Variants in CLNK observed in about 807,000 individuals in gnomAD.
The protein encoded by CLNK is cytokine-dependent hematopoietic cell linker.
In CLNK, 74 loss-of-function variants were observed where a neutral mutation model predicts 68.6. The ratio of observed to expected loss-of-function variants is 1.08; its 90% CI spans 0.89 to 1.31. CLNK has a LOEUF of 1.31. Ranked by LOEUF, CLNK falls within the 50% of genes most tolerant of loss-of-function variation. The pLI is 0.00. For missense variants in CLNK, 553 were observed against 515.3 expected, an observed-to-expected ratio of 1.07 and a Z score of -0.71; for synonymous variants, 198 against 172.2, an observed-to-expected ratio of 1.15 and a Z score of -1.17.
intron 17 of CLNK, among the ~76,000 whole-genome samples, chr4:10,502,204 A>C (rs1232689004): frequency 2.0e-5 from 3 of 152,218 alleles, no homozygotes; most frequent in African/African-American, 7.2e-5. Flanking sequence ...AAGAGGTTTA[A>C]TTGACTCAGT....
rs574160847 is a variant in CLNK at position 10,501,040 on chromosome 4, C to T, written c.1140+216G>A. Among the ~76,000 whole-genome samples, 9 of 152,268 alleles carry T rather than the reference C, an allele frequency of 5.9e-5. No individual in the cohort carries two copies. The East Asian group carries it at 7.7e-4, about 13-fold the overall frequency. On this transcript the variant is annotated intron_variant, in intron 18 of 18. Transcript: ENST00000226951. ...AGAATGAGTTTTCTTTAACAGGCAA[C>T]GCAGGGAATGGGGGTGCATGAAATG...
intron 15 of CLNK, among the ~76,000 whole-genome samples, chr4:10,519,113 C>T (rs1487893086): frequency 6.6e-6 from 1 of 152,112 alleles, no homozygotes; most frequent in African/African-American, 2.4e-5. Context: ...CTAATGAAGC[C>T]TCAAACATTT....
intron 18 of CLNK, 72 bp downstream of exon 18, chr4:10,501,184 T>G: frequency 1.1e-5 from 16 of 1,443,590 alleles, no homozygotes; most frequent in African/African-American, 1.4e-5. Context: ...TCCTCCAGGG[T>G]GACATCCCCC....
chr4:10,583,680 G>C (rs1192450205), intron 4 of CLNK, among the ~76,000 whole-genome samples: 2 of 152,052 alleles, frequency 1.3e-5, no homozygotes, highest in Non-Finnish European at 2.9e-5. Flanking sequence ...GAGCAGGCCT[G>C]GGCGACTTTA....
intron 8 of CLNK, 145 bp from the exon 9 acceptor site, chr4:10,542,425 C>T (rs923067483): frequency 1.6e-6 from 1 of 622,332 alleles, no homozygotes; most frequent in African/African-American, 1.9e-5. Context: ...TATGAGATAC[C>T]CAGAATAATG....
At chr4:10,719,106 A>G in the CLNK span, among the ~76,000 whole-genome samples, 1 of 152,150 alleles carries the variant, frequency 6.6e-6, no homozygotes, top group Non-Finnish European at 1.5e-5. Context: ...TTTAAATAAC[A>G]CACAGGAAGG....
At chr4:10,532,404 C>A in intron 11 of CLNK, 121 bp from the exon 12 acceptor site, 2 of 746,428 alleles carry the variant, frequency 2.7e-6, no homozygotes, top group East Asian at 2.7e-5. Context: ...GCCCATAGTC[C>A]AGTGAGATAT....
chr4:10,668,747 A>G (rs1724509847), intron 1 of CLNK, among the ~76,000 whole-genome samples: 1 of 152,136 alleles, frequency 6.6e-6, no homozygotes, highest in Non-Finnish European at 1.5e-5. Context: ...TTGCGGGTAG[A>G]GGAGCTGTGG....
chr4:10,734,462 T>C, the CLNK span, among the ~76,000 whole-genome samples: 1 of 152,250 alleles, frequency 6.6e-6, no homozygotes, highest in East Asian at 1.9e-4. Context: ...AGGACCAGTC[T>C]GTTGAGAAGT....
At chr4:10,657,018 A>G (rs147920444) in intron 2 of CLNK, among the ~76,000 whole-genome samples, 1 of 152,308 alleles carries the variant, frequency 6.6e-6, no homozygotes, top group East Asian at 1.9e-4. Context: ...TAAATGTCTT[A>G]TACAAATTAG....
At chr4:10,676,600 A>G (rs1267057630) in intron 1 of CLNK, among the ~76,000 whole-genome samples, 2 of 151,944 alleles carry the variant, frequency 1.3e-5, no homozygotes, top group Admixed American at 6.6e-5. Context: ...TAGTTTCTGA[A>G]TTTATTATTC....
At chr4:10,569,644 T>A (rs960666824) in intron 5 of CLNK, among the ~76,000 whole-genome samples, 1 of 152,234 alleles carries the variant, frequency 6.6e-6, no homozygotes. Flanking sequence ...GACACCAGTC[T>A]GCAACAGATG....
At chr4:10,725,661 G>A in the CLNK span, among the ~76,000 whole-genome samples, 1 of 152,134 alleles carries the variant, frequency 6.6e-6, no homozygotes, top group African/African-American at 2.4e-5. Context: ...AGACCATCCT[G>A]GCTAACATGG....
chr4:10,618,191 A>AT, intron 2 of CLNK, among the ~76,000 whole-genome samples: 1 of 152,238 alleles, frequency 6.6e-6, no homozygotes, highest in Non-Finnish European at 1.5e-5. Context: ...TTATTTAGCA[A>AT]TAAAAATGGA....
At chr4:10,695,419 G>T in the CLNK span, among the ~76,000 whole-genome samples, 4 of 152,154 alleles carry the variant, frequency 2.6e-5, no homozygotes, top group Admixed American at 6.5e-5. Flanking sequence ...AGCTGTGAAA[G>T]CTTGAATGTT....
intron 1 of CLNK, among the ~76,000 whole-genome samples, chr4:10,682,081 C>T (rs1230133605): frequency 6.6e-6 from 1 of 151,602 alleles, no homozygotes; most frequent in African/African-American, 2.4e-5. Context: ...ATAATAAACA[C>T]AAAAATTGGT....
Position 10,654,874 on chromosome 4 carries a change from G to A in CLNK, c.11+12985C>T, listed in dbSNP as rs1020692328. 2.0e-5 allele frequency among the ~76,000 whole-genome samples: 3 copies of A among 152,112 alleles called. No homozygotes were observed. The East Asian group carries it at 5.8e-4, about 29-fold the overall frequency. Reference sequence around the variant, plus strand: ...TCCCAGCGCTTTGGGAGGCCGAGGCGGGCGGATCACTAGGTCAGGAGATCG... The same window carrying A: ...TCCCAGCGCTTTGGGAGGCCGAGGCAGGCGGATCACTAGGTCAGGAGATCG... On this transcript the variant is annotated intron_variant, in intron 2 of 18. Coordinates refer to ENST00000226951, the MANE Select transcript of CLNK (RefSeq NM_052964.4).
chr4:10,725,187 C>T, the CLNK span, among the ~76,000 whole-genome samples: 6 of 151,964 alleles, frequency 3.9e-5, no homozygotes, highest in South Asian at 2.1e-4. Flanking sequence ...CACTGTAGCC[C>T]GCGGGGTGAG....
the CLNK span, among the ~76,000 whole-genome samples, chr4:10,717,924 A>C: frequency 1.3e-5 from 2 of 152,258 alleles, no homozygotes; most frequent in African/African-American, 4.8e-5. Context: ...AAGAGTCATC[A>C]CAAAAATGCT....
Sources: gnomAD v4.1 joint callset for allele counts (sites outside exome capture counted in the v4.1 genomes callset) on GRCh38, gnomAD v4.1.1 for gene constraint, MANE v1.5 for transcripts, NCBI Gene and HGNC (gene_info 2026-07-23, HGNC 2026-07-21) for gene names.